PDCD10: variants seen among roughly 807,000 people sequenced by gnomAD.
PDCD10 encodes programmed cell death 10.
Under a neutral mutation model 29.2 loss-of-function variants are expected in PDCD10, and 4 were observed. That is an observed-to-expected ratio of 0.14 (90% CI 0.07 to 0.31). The LOEUF is 0.31. Ranked by LOEUF, PDCD10 falls within the 10% of genes least tolerant of loss-of-function variation. PDCD10 has a pLI of 1.00. For missense variants in PDCD10, 183 were observed against 257.9 expected (o/e 0.71, Z 1.99); for synonymous variants, 70 against 82.2 (o/e 0.85, Z 0.80).
At chr3:167,700,465 A>G (rs1322452263) in intron 4 of PDCD10, among the ~76,000 whole-genome samples, 4 of 151,118 alleles carry the variant, frequency 2.6e-5, no homozygotes, top group African/African-American at 9.8e-5. Flanking sequence ...GCTTGAATAC[A>G]GTCTAAGACT....
intron 3 of PDCD10, among the ~76,000 whole-genome samples, chr3:167,719,188 G>A (rs1723328697): frequency 6.6e-6 from 1 of 152,094 alleles, no homozygotes; most frequent in Admixed American, 6.6e-5. Context: ...TGGAAATGGT[G>A]AGAGCATATG....
intron 4 of PDCD10, among the ~76,000 whole-genome samples, chr3:167,697,430 G>A (rs1474349508): frequency 3.9e-5 from 6 of 152,038 alleles, no homozygotes; most frequent in African/African-American, 1.2e-4. Flanking sequence ...GATTATATAT[G>A]TTTTAGTAAT....
chr3:167,717,405 G>C (rs7615915), intron 3 of PDCD10, among the ~76,000 whole-genome samples: 1 of 151,918 alleles, frequency 6.6e-6, no homozygotes, highest in South Asian at 2.1e-4. Flanking sequence ...TTTAGCTTCA[G>C]AGTAAAACGG....
chr3:167,705,575 C>T (rs1721893173), intron 3 of PDCD10, among the ~76,000 whole-genome samples: 2 of 152,088 alleles, frequency 1.3e-5, no homozygotes, highest in South Asian at 2.1e-4. Context: ...GTTACAAATG[C>T]CAAGAACCTT....
chr3:167,691,960 A>G (rs960119047), intron 6 of PDCD10, among the ~76,000 whole-genome samples: 3 of 152,242 alleles, frequency 2.0e-5, no homozygotes, highest in African/African-American at 7.2e-5. Context: ...AGTGCTTAGC[A>G]TATAATAAGT....
Position 167,704,839 on chromosome 3 carries a change from C to G in PDCD10, c.150+3G>C, listed in dbSNP as rs1350595036. Reference sequence around the variant, plus strand: ...TAATCATAGTAAATTATTTGCACCTCACCTTGATGAAAGCGGCTCTCAGTG... The same window carrying G: ...TAATCATAGTAAATTATTTGCACCTGACCTTGATGAAAGCGGCTCTCAGTG... On this transcript the variant is annotated splice_donor_region_variant and intron_variant, in intron 4 of 8. Coordinates refer to ENST00000392750, the MANE Select transcript of PDCD10 (RefSeq NM_007217.4). 2 of 1,586,122 alleles carry G rather than the reference C, an allele frequency of 1.3e-6. No homozygotes were observed. Among genetic ancestry groups the G allele is most frequent in the Non-Finnish European group, 1.7e-6 (2 of 1,154,906 alleles).
chr3:167,729,382 C>T (rs1724554176), intron 2 of PDCD10, among the ~76,000 whole-genome samples: 1 of 152,286 alleles, frequency 6.6e-6, no homozygotes, highest in South Asian at 2.1e-4. Context: ...TGCTCTGTAA[C>T]TACAACTCTT....
At chr3:167,718,394 C>A (rs1723225867) in intron 3 of PDCD10, among the ~76,000 whole-genome samples, 1 of 151,634 alleles carries the variant, frequency 6.6e-6, no homozygotes. Flanking sequence ...GGGTAAGTAT[C>A]AGAAAAAAAA....
At chr3:167,699,650 GA>G (rs1721170477) in intron 4 of PDCD10, among the ~76,000 whole-genome samples, 1 of 152,090 alleles carries the variant, frequency 6.6e-6, no homozygotes, top group Non-Finnish European at 1.5e-5. Flanking sequence ...CCAGCTGTAA[GA>G]AAAAAATAAA....
intron 6 of PDCD10, among the ~76,000 whole-genome samples, chr3:167,692,207 A>G (rs1720318283): frequency 6.6e-6 from 1 of 152,248 alleles, no homozygotes; most frequent in Admixed American, 6.5e-5. Flanking sequence ...TTATCCTTTT[A>G]CAGGCCAAAC....
intron 4 of PDCD10, among the ~76,000 whole-genome samples, chr3:167,703,451 AG>A (rs1425923730): frequency 7.2e-5 from 11 of 152,120 alleles, no homozygotes; most frequent in Admixed American, 2.6e-4. Flanking sequence ...TGAGATACCT[AG>A]TGACATGACT....
chr3:167,727,196 G>C (rs1022319034), intron 2 of PDCD10, among the ~76,000 whole-genome samples: 1 of 152,154 alleles, frequency 6.6e-6, no homozygotes, highest in Non-Finnish European at 1.5e-5. Flanking sequence ...TTTATAATCT[G>C]TACAAGATAA....
intron 6 of PDCD10, among the ~76,000 whole-genome samples, chr3:167,690,454 C>CT (rs1376406576): frequency 2.6e-5 from 4 of 152,256 alleles, no homozygotes; most frequent in African/African-American, 9.6e-5. Flanking sequence ...GAATTTTAGC[C>CT]TAAGAATATG....
At chr3:167,731,596 C>T (rs1322236302) in intron 2 of PDCD10, among the ~76,000 whole-genome samples, 1 of 152,198 alleles carries the variant, frequency 6.6e-6, no homozygotes, top group East Asian at 1.9e-4. Flanking sequence ...CATGAATACA[C>T]TCCTTCATTC....
chr3:167,707,416 C>T (rs796564135), intron 3 of PDCD10, among the ~76,000 whole-genome samples: 3 of 152,220 alleles, frequency 2.0e-5, no homozygotes, highest in African/African-American at 4.8e-5. Context: ...CGGTGGCTCA[C>T]GTCTGTAATC....
rs1026430692 is a variant in PDCD10, at chr3:167,683,412, A to C, written c.*896T>G. 2 of 152,082 alleles carry C rather than the reference A, an allele frequency of 1.3e-5. No individual in the cohort carries two copies. Among genetic ancestry groups the C allele is most frequent in the Non-Finnish European group, 2.9e-5 (2 of 67,940 alleles). The allele number at this position is 152,082 out of a possible 1,614,324, so 9.4% of individuals were successfully genotyped here. On this transcript the variant is annotated 3_prime_UTR_variant, in exon 9 of 9. Transcript: ENST00000392750. ...GTGAAATAAAACTGTACCTAGTTGA[A>C]GAGTGTATATAATATTAACACTCAT...
At chr3:167,707,282 T>C (rs1722069932) in intron 3 of PDCD10, among the ~76,000 whole-genome samples, 1 of 152,254 alleles carries the variant, frequency 6.6e-6, no homozygotes, top group Non-Finnish European at 1.5e-5. Flanking sequence ...TGATTTCATG[T>C]AAATTTAGGA....
chr3:167,714,793 C>CA (rs1722853411), intron 3 of PDCD10, among the ~76,000 whole-genome samples: 1 of 151,456 alleles, frequency 6.6e-6, no homozygotes, highest in Middle Eastern at 3.4e-3. Flanking sequence ...CAATTGGACA[C>CA]AAAAAAGGGA....
chr3:167,717,132 C>A (rs1046919322), intron 3 of PDCD10, among the ~76,000 whole-genome samples: 1 of 152,014 alleles, frequency 6.6e-6, no homozygotes, highest in Non-Finnish European at 1.5e-5. Flanking sequence ...AAACAAGAAG[C>A]CTACTTCTTC....
Sources: gnomAD v4.1 joint callset for allele counts (sites outside exome capture counted in the v4.1 genomes callset) on GRCh38, gnomAD v4.1.1 for gene constraint, MANE v1.5 for transcripts, NCBI Gene and HGNC (gene_info 2026-07-23, HGNC 2026-07-21) for gene names.